The following PRKAR2B variants were observed in gnomAD, a reference collection of about 807,000 sequenced individuals.
The protein encoded by PRKAR2B is cAMP-dependent protein kinase type II-beta regulatory subunit.
In PRKAR2B, 14 loss-of-function variants were observed where a neutral mutation model predicts 49.9. That is an observed-to-expected ratio of 0.28 (90% confidence interval 0.19 to 0.44). PRKAR2B has a LOEUF of 0.44. PRKAR2B is among the 20% of genes least tolerant of loss of function. The pLI, the probability that PRKAR2B is intolerant of heterozygous loss-of-function variation, is 1.00. For synonymous variants in PRKAR2B, 196 were observed against 197.7 expected (o/e 0.99, Z 0.07); for missense variants, 393 against 537.9 (o/e 0.73, Z 2.67).
intron 2 of PRKAR2B, among the ~76,000 whole-genome samples, chr7:107,079,049 A>C (rs1794463641): frequency 6.6e-6 from 1 of 152,190 alleles, no homozygotes. Context: ...GAACACTGCC[A>C]CTGTTGGGGA....
intron 4 of PRKAR2B, among the ~76,000 whole-genome samples, chr7:107,130,012 C>T (rs1188240852): frequency 6.6e-6 from 1 of 152,054 alleles, no homozygotes; most frequent in African/African-American, 2.4e-5. Context: ...ATGCCTTAAC[C>T]ATCTGGGAAT....
At chr7:107,062,517 A>G (rs990519633) in intron 1 of PRKAR2B, among the ~76,000 whole-genome samples, 3 of 152,330 alleles carry the variant, frequency 2.0e-5, no homozygotes, top group Admixed American at 2.0e-4. Flanking sequence ...AAGCTAAACT[A>G]CAGTGGTAGA....
intron 2 of PRKAR2B, among the ~76,000 whole-genome samples, chr7:107,075,841 T>C (rs772267750): frequency 2.0e-5 from 3 of 152,224 alleles, no homozygotes; most frequent in Non-Finnish European, 2.9e-5. Flanking sequence ...TAATACTGTT[T>C]GATAGTAATC....
chr7:107,120,858 GA>G (rs1174261910), intron 2 of PRKAR2B, among the ~76,000 whole-genome samples: 7 of 151,614 alleles, frequency 4.6e-5, no homozygotes, highest in African/African-American at 1.7e-4. Flanking sequence ...AAAGTGGTAT[GA>G]AAAAACTAAT....
At chr7:107,047,880 C>T (rs1793729534) in intron 1 of PRKAR2B, among the ~76,000 whole-genome samples, 1 of 152,196 alleles carries the variant, frequency 6.6e-6, no homozygotes, top group South Asian at 2.1e-4. Flanking sequence ...GTAGACATCC[C>T]ACCCAGGTCA....
chr7:107,111,527 CAG>C (rs913633961), intron 2 of PRKAR2B, among the ~76,000 whole-genome samples: 1 of 152,246 alleles, frequency 6.6e-6, no homozygotes, highest in African/African-American at 2.4e-5. Context: ...GCTCAAAACA[CAG>C]AGAGAGTCTC....
intron 4 of PRKAR2B, chr7:107,133,715 T>C (rs1795643694): frequency 6.6e-6 from 1 of 152,220 alleles, no homozygotes; most frequent in South Asian, 2.1e-4. Flanking sequence ...ACCATCATTC[T>C]TCCAAAAGTT....
chr7:107,050,039 G>A lies in PRKAR2B; in HGVS notation c.307+4825G>A, dbSNP rs1304691995. Among the ~76,000 whole-genome samples, 4 of 152,150 alleles carry A rather than the reference G, an allele frequency of 2.6e-5. No individual in the cohort carries two copies. The East Asian group carries it at 7.7e-4, about 29-fold the overall frequency. On this transcript the variant is annotated intron_variant, in intron 1 of 10. Coordinates refer to ENST00000265717, the MANE Select transcript of PRKAR2B (RefSeq NM_002736.3). ...TTATTCATTTTACTAGTAATAGTAG[G>A]TGGATTGCTTTAGGGGTTGAAATTG...
chr7:107,045,305 C>G lies in PRKAR2B; in HGVS notation c.307+91C>G, dbSNP rs1038182982. 1.9e-5 allele frequency: 21 copies of G among 1,111,134 alleles called. No homozygotes were observed. In the African/African-American group the frequency reaches 3.3e-4, roughly 17 times the overall value. 68.8% of individuals were successfully genotyped at this position (1,111,134 alleles called of 1,614,324 possible). A position where few individuals can be genotyped will look rare whatever the true frequency, so the allele number is the denominator to read the frequency against. On this transcript the variant is annotated intron_variant, in intron 1 of 10. Coordinates refer to ENST00000265717, the MANE Select transcript of PRKAR2B (RefSeq NM_002736.3). Reference sequence around the variant, plus strand: ...TGCTCTCGGATCTTGCCGCTTTGCGCACCCACCTCTCCCCGCATTCTCCAC... The same window carrying G: ...TGCTCTCGGATCTTGCCGCTTTGCGGACCCACCTCTCCCCGCATTCTCCAC...
intron 2 of PRKAR2B, among the ~76,000 whole-genome samples, chr7:107,083,938 A>G (rs960128017): frequency 5.3e-5 from 8 of 152,134 alleles, no homozygotes; most frequent in Admixed American, 5.2e-4. Context: ...ATTTTATTAA[A>G]TGGAATTATA....
chr7:107,127,464 C>CACTT, intron 3 of PRKAR2B, among the ~76,000 whole-genome samples: 1 of 151,232 alleles, frequency 6.6e-6, no homozygotes, highest in African/African-American at 2.5e-5. Context: ...TAGCAAGCCA[C>CACTT]ACTTACACAC....
chr7:107,118,636 A>C (rs894336303), intron 2 of PRKAR2B, among the ~76,000 whole-genome samples: 3 of 152,120 alleles, frequency 2.0e-5, no homozygotes, highest in African/African-American at 7.2e-5. Context: ...AGCTCGTCCC[A>C]CTGTATTGCG....
chr7:107,048,321 C>T (rs1189423319), intron 1 of PRKAR2B, among the ~76,000 whole-genome samples: 1 of 152,128 alleles, frequency 6.6e-6, no homozygotes, highest in Non-Finnish European at 1.5e-5. Context: ...ATGTATCTAA[C>T]CTTGAAGCCC....
intron 2 of PRKAR2B, among the ~76,000 whole-genome samples, chr7:107,103,053 C>A (rs755150236): frequency 2.3e-4 from 35 of 152,142 alleles, no homozygotes; most frequent in Non-Finnish European, 4.0e-4. Context: ...TTATAAAATT[C>A]TCTGAAATGT....
intron 6 of PRKAR2B, among the ~76,000 whole-genome samples, chr7:107,149,338 T>C (rs986075276): frequency 7.9e-5 from 12 of 152,196 alleles, no homozygotes; most frequent in African/African-American, 2.2e-4. Context: ...TTAGTCCTTT[T>C]GGGGTGCTAT....
At chr7:107,097,915 C>T (rs1261252022) in intron 2 of PRKAR2B, among the ~76,000 whole-genome samples, 3 of 152,094 alleles carry the variant, frequency 2.0e-5, no homozygotes, top group African/African-American at 7.2e-5. Context: ...GTGGGTAACC[C>T]GACCTTTCTC....
intron 1 of PRKAR2B, among the ~76,000 whole-genome samples, chr7:107,059,355 C>G (rs1252909148): frequency 6.6e-6 from 1 of 152,008 alleles, no homozygotes; most frequent in East Asian, 1.9e-4. Context: ...CTCTCCTGTC[C>G]CATTCCATCA....
intron 2 of PRKAR2B, among the ~76,000 whole-genome samples, chr7:107,102,870 C>T (rs1794999974): frequency 6.6e-6 from 1 of 152,044 alleles, no homozygotes; most frequent in Non-Finnish European, 1.5e-5. Context: ...GGGGTTTCAC[C>T]ATGTTGCCCA....
intron 1 of PRKAR2B, chr7:107,067,126 C>T (rs1030064395): frequency 2.0e-5 from 3 of 152,302 alleles, no homozygotes; most frequent in Non-Finnish European, 2.9e-5. Context: ...CCTTCCTGCT[C>T]CCCTTCCCTG....
Sources: gnomAD v4.1 joint callset for allele counts (sites outside exome capture counted in the v4.1 genomes callset) on GRCh38, gnomAD v4.1.1 for gene constraint, MANE v1.5 for transcripts, NCBI Gene and HGNC (gene_info 2026-07-23, HGNC 2026-07-21) for gene names.